The following DLGAP4 variants were observed in gnomAD, a reference collection of about 807,000 sequenced individuals.
The protein encoded by DLGAP4 is DLG associated protein 4, also known as disks large-associated protein 4.
DLGAP4 carries 18 observed loss-of-function variants against 86.9 expected under a neutral mutation model. That is an observed-to-expected ratio of 0.21 (90% CI 0.14 to 0.31). The LOEUF (loss-of-function observed/expected upper bound fraction) is 0.31. Among genes scored for constraint, DLGAP4 ranks in the 10% least tolerant of loss-of-function variants. DLGAP4 has a pLI of 1.00. For missense variants in DLGAP4, 1,085 were observed against 1,362.6 expected (o/e 0.80, Z 3.21); for synonymous variants, 548 against 574.3 (o/e 0.95, Z 0.65).
intron 10 of DLGAP4, among the ~76,000 whole-genome samples, chr20:36,517,776 G>A (rs960782458): frequency 2.0e-5 from 3 of 152,102 alleles, no homozygotes; most frequent in Admixed American, 6.6e-5. Context: ...GTACACTGCC[G>A]GGTTTAATAT....
intron 1 of DLGAP4, among the ~76,000 whole-genome samples, chr20:36,352,096 A>C (rs2030175538): frequency 6.6e-6 from 1 of 152,198 alleles, no homozygotes; most frequent in Non-Finnish European, 1.5e-5. Flanking sequence ...CGGGTGATCC[A>C]GGGAAGAGTG....
In DLGAP4 at chr20:36,526,921, C is replaced by G; in HGVS notation, c.2869C>G (p.Arg957Gly). 6.2e-7 allele frequency: 1 copy of G among 1,613,712 alleles called. No homozygotes were observed. The highest frequency in any genetic ancestry group is 8.5e-7 in the Non-Finnish European group (1 of 1,179,900). ...DASDKQRQEA[R>G]KRLLAAKRAA... is the part of the protein sequence containing the mutation. ...CAGCGACAAGCAGCGCCAGGAGGCC[C>G]GCAAGAGACTCCTGGCGGCCAAGCG... Residue 957 changes from arginine (R) to glycine (G), a missense_variant, in exon 13 of 13, where the codon CGC (arginine) becomes GGC (glycine). Coordinates refer to ENST00000339266, the MANE Select transcript of DLGAP4 (RefSeq NM_001365621.2).
chr20:36,443,039 C>A (rs576023075), intron 6 of DLGAP4, among the ~76,000 whole-genome samples: 6 of 152,190 alleles, frequency 3.9e-5, no homozygotes, highest in Non-Finnish European at 8.8e-5. Flanking sequence ...CTGGATGGGG[C>A]AAGAAACAAC....
chr20:36,462,038 G>T (rs1000631374), intron 7 of DLGAP4: 3 of 986,718 alleles, frequency 3.0e-6, no homozygotes, highest in Non-Finnish European at 2.4e-6. Flanking sequence ...TCTCCCCAAG[G>T]GCTCCCCGTG....
intron 2 of DLGAP4, among the ~76,000 whole-genome samples, chr20:36,389,328 G>A (rs1193646325): frequency 6.6e-6 from 1 of 152,190 alleles, no homozygotes; most frequent in East Asian, 1.9e-4. Context: ...CTGGAGTCAG[G>A]TGGTTCGAGT....
intron 2 of DLGAP4, among the ~76,000 whole-genome samples, chr20:36,388,074 T>C (rs541109951): frequency 1.3e-5 from 2 of 152,354 alleles, no homozygotes; most frequent in East Asian, 1.9e-4. Context: ...GCGAGTGTTA[T>C]GAAGAAAAAC....
chr20:36,366,061 G>A (rs2030677955), intron 1 of DLGAP4, among the ~76,000 whole-genome samples: 1 of 152,184 alleles, frequency 6.6e-6, no homozygotes, highest in Non-Finnish European at 1.5e-5. Flanking sequence ...GTGTGGAATA[G>A]AGGGGCCTTT....
At chr20:36,340,891 T>C (rs140164749) in intron 1 of DLGAP4, among the ~76,000 whole-genome samples, 1 of 152,184 alleles carries the variant, frequency 6.6e-6, no homozygotes, top group Non-Finnish European at 1.5e-5. Context: ...ACTCGTAGCT[T>C]TGAGTCAGCC....
chr20:36,372,310 G>T (rs192087219), intron 2 of DLGAP4, among the ~76,000 whole-genome samples: 5 of 152,194 alleles, frequency 3.3e-5, no homozygotes, highest in Non-Finnish European at 7.4e-5. Context: ...CTCCGTCACT[G>T]GGAGTCAGAC....
rs1555889524 is a variant in DLGAP4, at chr20:36,306,791, G to A, written c.-304+279G>A. On this transcript the variant is annotated intron_variant, in intron 1 of 12. Coordinates refer to ENST00000339266, the MANE Select transcript of DLGAP4 (RefSeq NM_001365621.2). This position sits in a 1 kb window ranked among gnomAD's most constrained non-coding sequence, Gnocchi z 4.9. ...ATCGGGGGCGGCGGCACCGGGGCCCGGAACCCCTGTCCGGGACCGGATCCC... is the reference window on the plus strand; with the variant it reads ...ATCGGGGGCGGCGGCACCGGGGCCCAGAACCCCTGTCCGGGACCGGATCCC... Among the ~76,000 whole-genome samples the A allele has an allele frequency of 1.3e-5, 2 of 152,162 alleles. No individual in the cohort carries two copies. The highest frequency in any genetic ancestry group is 4.8e-5 in the African/African-American group (2 of 41,446).
intron 8 of DLGAP4, chr20:36,498,985 A>G (rs1288230011): frequency 2.1e-5 from 10 of 474,912 alleles, no homozygotes; most frequent in Non-Finnish European, 3.4e-5. Context: ...GCCAAGTGTG[A>G]ATAACGTCCA....
At chr20:36,522,498 A>C (rs1340417334) in intron 10 of DLGAP4, among the ~76,000 whole-genome samples, 1 of 151,932 alleles carries the variant, frequency 6.6e-6, no homozygotes, top group Non-Finnish European at 1.5e-5. Flanking sequence ...TATTTCAAAT[A>C]AGAGATTATT....
intron 1 of DLGAP4, among the ~76,000 whole-genome samples, chr20:36,356,890 C>G (rs1017950191): frequency 1.3e-5 from 2 of 152,184 alleles, no homozygotes; most frequent in Non-Finnish European, 2.9e-5. Flanking sequence ...CTCCCTCTAC[C>G]TCATTCCCCA....
chr20:36,348,772 G>A (rs902241068), intron 1 of DLGAP4, among the ~76,000 whole-genome samples: 10 of 151,872 alleles, frequency 6.6e-5, no homozygotes, highest in East Asian at 3.9e-4. Flanking sequence ...ACATCAAGCA[G>A]TGAAAAGTAT....
rs764464828 is a variant in DLGAP4 at position 36,432,362 on chromosome 20, C to T, written c.645C>T (p.Ala215=). 13 of 1,613,364 alleles carry T rather than the reference C, an allele frequency of 8.1e-6. No homozygotes were observed. The highest frequency in any genetic ancestry group is 4.4e-5 in the South Asian group (4 of 91,082). Residue 215 remains alanine, a synonymous_variant, in exon 3 of 13, where the codon GCC becomes GCT. Coordinates refer to ENST00000339266, the MANE Select transcript of DLGAP4 (RefSeq NM_001365621.2). This position sits in a 1 kb window ranked among gnomAD's most constrained non-coding sequence, Gnocchi z 6.5. The part of the protein sequence containing the change: ...WSSDDNLDGE[A]GAFRSSGPAS... Reference sequence around the variant, plus strand: ...CCGATGACAACTTGGACGGCGAGGCCGGCGCCTTCCGCAGCAGTGGCCCAG... The same window carrying T: ...CCGATGACAACTTGGACGGCGAGGCTGGCGCCTTCCGCAGCAGTGGCCCAG...
Position 36,406,320 on chromosome 20 carries a change from C to T in DLGAP4, c.-72-25326C>T, listed in dbSNP as rs549277600. ...GGCTGAGGCAGGAGAATGGCGTGAA[C>T]CTGGGAGGCGGAGCTTGCAGTGAGC... On this transcript the variant is annotated intron_variant, in intron 2 of 12. Coordinates refer to ENST00000339266, the MANE Select transcript of DLGAP4 (RefSeq NM_001365621.2). Among the ~76,000 whole-genome samples, 279 of 151,566 alleles carry T rather than the reference C, an allele frequency of 1.8e-3. 1 individual carries two copies. Among genetic ancestry groups the T allele is most frequent in the Middle Eastern group, 6.8e-3 (2 of 292 alleles).
chr20:36,316,122 C>T (rs928897065), intron 1 of DLGAP4, among the ~76,000 whole-genome samples: 12 of 152,212 alleles, frequency 7.9e-5, no homozygotes, highest in African/African-American at 2.7e-4. Context: ...TTGACCTCCC[C>T]TTCTCAAGCA....
intron 2 of DLGAP4, among the ~76,000 whole-genome samples, chr20:36,407,223 C>T (rs2032350055): frequency 6.6e-6 from 1 of 152,186 alleles, no homozygotes; most frequent in Non-Finnish European, 1.5e-5. Flanking sequence ...TGCCTGTAAT[C>T]TCAGTTCCTT....
chr20:36,473,764 T>G (rs1017310852), intron 7 of DLGAP4, among the ~76,000 whole-genome samples: 1 of 152,154 alleles, frequency 6.6e-6, no homozygotes, highest in African/African-American at 2.4e-5. Context: ...AATACGATTT[T>G]TATGTACCTC....
Sources: allele counts gnomAD v4.1 joint callset (sites outside exome capture counted in the v4.1 genomes callset), GRCh38; gene constraint gnomAD v4.1.1; non-coding constraint Gnocchi (gnomAD v3.1); transcripts MANE v1.5; gene names NCBI Gene and HGNC (gene_info 2026-07-23, HGNC 2026-07-21).